EIF4B: variants seen among roughly 807,000 people sequenced by gnomAD.
EIF4B encodes the protein eukaryotic translation initiation factor 4B.
A neutral mutation model predicts 79.3 loss-of-function variants in EIF4B; 8 were observed. The ratio of observed to expected loss-of-function variants is 0.10; its 90% CI spans 0.06 to 0.18. The LOEUF is 0.18. Among genes scored for constraint, EIF4B ranks in the 10% least tolerant of loss-of-function variants. The pLI is 1.00. For synonymous variants in EIF4B, 238 were observed against 274.7 expected (o/e 0.87, Z 1.32); for missense variants, 515 against 792.4 (o/e 0.65, Z 4.20).
chr12:53,038,151 G>T, intron 11 of EIF4B: 1 of 423,948 alleles, frequency 2.4e-6, no homozygotes, highest in Non-Finnish European at 4.2e-6. Context: ...AATCCTGCAT[G>T]ATGTGATGAT....
chr12:53,011,003 C>T (rs1215927400), intron 1 of EIF4B, among the ~76,000 whole-genome samples: 1 of 152,154 alleles, frequency 6.6e-6, no homozygotes, highest in Non-Finnish European at 1.5e-5. Flanking sequence ...GTGGCTCACT[C>T]CTGTAATCCC....
At chr12:53,037,313 ACT>A (rs2120984492) in intron 10 of EIF4B, 94 bp from the exon 11 acceptor site, 1 of 1,398,628 alleles carries the variant, frequency 7.1e-7, no homozygotes, top group Admixed American at 2.2e-5. Flanking sequence ...GGGAGCCAAA[ACT>A]TGGATGTGGA....
chr12:53,031,261 C>CACTGTTTGCCCAGCCTTT (rs1943441135), intron 8 of EIF4B, among the ~76,000 whole-genome samples: 1 of 152,192 alleles, frequency 6.6e-6, no homozygotes, highest in African/African-American at 2.4e-5. Flanking sequence ...CACGGGCCTT[C>CACTGTTTGCCCAGCCTTT]ACTGTTTGCC....
intron 1 of EIF4B, among the ~76,000 whole-genome samples, chr12:53,011,608 A>G (rs1296080355): frequency 6.6e-6 from 1 of 152,226 alleles, no homozygotes; most frequent in African/African-American, 2.4e-5. Flanking sequence ...CCTAAGCTAA[A>G]ATATCAGCAG....
chr12:53,029,221 C>T (rs1469869459), intron 8 of EIF4B, among the ~76,000 whole-genome samples: 1 of 151,842 alleles, frequency 6.6e-6, no homozygotes, highest in Non-Finnish European at 1.5e-5. Context: ...AAAATTATGC[C>T]CCTAATACTA....
In EIF4B at chr12:53,012,614, T is replaced by C. The variant is rs139401551; in HGVS notation, c.14-3859T>C. 4.8e-3 allele frequency among the ~76,000 whole-genome samples: 722 copies of C among 151,568 alleles called. 4 individuals are homozygous for C. Among genetic ancestry groups the C allele is most frequent in the African/African-American group, 0.017 (688 of 41,318 alleles). Reference sequence around the variant, plus strand: ...TTTTTTTCCTTTTTTTTTTTTTCTTTTTTTTGTGGGGGACGGAGTCTCGCT... The same window carrying C: ...TTTTTTTCCTTTTTTTTTTTTTCTTCTTTTTGTGGGGGACGGAGTCTCGCT... On this transcript the variant is annotated intron_variant, in intron 1 of 14. Transcript: ENST00000262056.
chr12:53,011,634 ACT>A (rs1943064995), intron 1 of EIF4B, among the ~76,000 whole-genome samples: 1 of 152,158 alleles, frequency 6.6e-6, no homozygotes, highest in African/African-American at 2.4e-5. Context: ...AGATAGAGAA[ACT>A]CTGAGTTAAG....
intron 2 of EIF4B, among the ~76,000 whole-genome samples, chr12:53,016,941 T>C (rs1194102129): frequency 6.6e-6 from 1 of 152,116 alleles, no homozygotes; most frequent in Admixed American, 6.6e-5. Context: ...GGTCTAAAAT[T>C]CTATGGGGTC....
rs1037586128 is a variant in EIF4B, at chr12:53,034,131, A to G, written c.1208+97A>G. ...CATTTGGGAAATTTGTGTCGTTATC[A>G]CATTAGTGGTTGTCACTGATGGGCA... On this transcript the variant is annotated intron_variant, in intron 9 of 14. Transcript: ENST00000262056. 4 of 1,263,264 alleles carry G rather than the reference A, an allele frequency of 3.2e-6. No homozygotes were observed. In the Admixed American group the frequency reaches 9.3e-5, roughly 29 times the overall value. The allele number at this position is 1,263,264 out of a possible 1,614,324, so 78.3% of individuals were successfully genotyped here. A position where few individuals can be genotyped will look rare whatever the true frequency, so the allele number is the denominator to read the frequency against.
intron 8 of EIF4B, among the ~76,000 whole-genome samples, chr12:53,033,581 T>G (rs1297059332): frequency 6.6e-6 from 1 of 151,958 alleles, no homozygotes; most frequent in East Asian, 1.9e-4. Context: ...GGCCTTGTGA[T>G]CCACCCGCCT....
intron 8 of EIF4B, among the ~76,000 whole-genome samples, chr12:53,030,474 T>G (rs1943420828): frequency 7.4e-6 from 1 of 135,572 alleles, no homozygotes; most frequent in Non-Finnish European, 1.6e-5. Context: ...CAGGCTAGAG[T>G]GCAATGGCGC....
At chr12:53,009,949 T>C (rs930001354) in intron 1 of EIF4B, among the ~76,000 whole-genome samples, 1 of 152,230 alleles carries the variant, frequency 6.6e-6, no homozygotes, top group Non-Finnish European at 1.5e-5. Context: ...TTGAGTACAG[T>C]ATTTTAAGTA....
chr12:53,024,947 C>T (rs1943310461), intron 6 of EIF4B, among the ~76,000 whole-genome samples: 1 of 152,142 alleles, frequency 6.6e-6, no homozygotes, highest in South Asian at 2.1e-4. Context: ...TGAGCCAGCG[C>T]TCCCAGCACA....
intron 1 of EIF4B, among the ~76,000 whole-genome samples, chr12:53,013,069 TGTCAAAGGA>T (rs1943091952): frequency 6.6e-6 from 1 of 152,258 alleles, no homozygotes; most frequent in African/African-American, 2.4e-5. Flanking sequence ...GAAACTTGTT[TGTCAAAGGA>T]GTCAAGGGGT....
intron 1 of EIF4B, among the ~76,000 whole-genome samples, chr12:53,011,081 T>C (rs1397746918): frequency 1.3e-5 from 2 of 152,088 alleles, no homozygotes; most frequent in East Asian, 1.9e-4. Context: ...CTAAGTAACA[T>C]AGTGAGACCA....
At chr12:53,029,971 C>T (rs989770162) in intron 8 of EIF4B, among the ~76,000 whole-genome samples, 8 of 151,780 alleles carry the variant, frequency 5.3e-5, no homozygotes, top group Non-Finnish European at 1.0e-4. Flanking sequence ...TTTGTGATTC[C>T]AGCACTTTGA....
chr12:53,038,309 T>C, intron 11 of EIF4B, 47 bp from the exon 12 acceptor site: 1 of 1,527,250 alleles, frequency 6.5e-7, no homozygotes, highest in Non-Finnish European at 8.8e-7. Flanking sequence ...CTTGGTTGTT[T>C]TCTCCCTGAA....
chr12:53,036,072 C>G (rs949594126), intron 10 of EIF4B, among the ~76,000 whole-genome samples: 1 of 137,010 alleles, frequency 7.3e-6, no homozygotes, highest in African/African-American at 2.6e-5. Flanking sequence ...ACGTGAGCCA[C>G]CATGCCTGGC....
At chr12:53,008,069 A>T (rs1268393586) in intron 1 of EIF4B, among the ~76,000 whole-genome samples, 2 of 152,242 alleles carry the variant, frequency 1.3e-5, no homozygotes, top group Non-Finnish European at 2.9e-5. Flanking sequence ...CCAGTGGGCT[A>T]GTAAAAGTCC....
Sources: gnomAD v4.1 joint callset for allele counts (sites outside exome capture counted in the v4.1 genomes callset) on GRCh38, gnomAD v4.1.1 for gene constraint, MANE v1.5 for transcripts, NCBI Gene and HGNC (gene_info 2026-07-23, HGNC 2026-07-21) for gene names.